Variants in GPR158 observed in about 807,000 individuals in gnomAD.
GPR158 encodes G protein-coupled receptor 158, also known as metabotropic glycine receptor.
GPR158 carries 30 observed loss-of-function variants against 78.2 expected under a neutral mutation model. The ratio of observed to expected loss-of-function variants is 0.38; its 90% confidence interval spans 0.29 to 0.52. The LOEUF (loss-of-function observed/expected upper bound fraction) is 0.52. Among genes scored for constraint, GPR158 ranks in the 20% least tolerant of loss-of-function variants. The pLI is 0.83. For synonymous variants in GPR158, 581 were observed against 591.1 expected (o/e 0.98, Z 0.25); for missense variants, 1,463 against 1,523.5 (o/e 0.96, Z 0.66).
chr10:25,361,435 A>G (rs1398332422), intron 2 of GPR158, among the ~76,000 whole-genome samples: 1 of 151,870 alleles, frequency 6.6e-6, no homozygotes, highest in Non-Finnish European at 1.5e-5. Flanking sequence ...GCTTTCAATT[A>G]TTTTGGATAC....
At chr10:25,306,482 T>C (rs966853535) in intron 2 of GPR158, among the ~76,000 whole-genome samples, 1 of 152,128 alleles carries the variant, frequency 6.6e-6, no homozygotes, top group African/African-American at 2.4e-5. Context: ...CAAGTGTTAA[T>C]AGAATAACAC....
intron 1 of GPR158, among the ~76,000 whole-genome samples, chr10:25,205,896 A>C (rs897569946): frequency 6.6e-6 from 1 of 151,816 alleles, no homozygotes; most frequent in Non-Finnish European, 1.5e-5. Flanking sequence ...ATATGAGAAG[A>C]ATATATATTC....
chr10:25,534,166 A>T (rs528773519), intron 5 of GPR158, among the ~76,000 whole-genome samples: 3 of 152,044 alleles, frequency 2.0e-5, no homozygotes, highest in Non-Finnish European at 4.4e-5. Context: ...CTCTATAATT[A>T]TGTTGATATC....
chr10:25,386,119 G>A (rs1031108519), intron 2 of GPR158, among the ~76,000 whole-genome samples: 3 of 152,086 alleles, frequency 2.0e-5, no homozygotes, highest in African/African-American at 7.2e-5. Context: ...AAATCATATT[G>A]ATTAAGTTTT....
intron 2 of GPR158, among the ~76,000 whole-genome samples, chr10:25,313,802 G>T (rs1018528997): frequency 2.0e-5 from 3 of 151,904 alleles, no homozygotes; most frequent in Non-Finnish European, 2.9e-5. Flanking sequence ...TTCTTTTCTT[G>T]TGCTCTCTTT....
intron 6 of GPR158, among the ~76,000 whole-genome samples, chr10:25,552,051 G>T (rs1836732722): frequency 6.6e-6 from 1 of 152,070 alleles, no homozygotes; most frequent in African/African-American, 2.4e-5. Context: ...TGCTGAGAAT[G>T]CTCTAGATTA....
At chr10:25,475,896 T>C (rs1455471859) in intron 5 of GPR158, 1 of 152,168 alleles carries the variant, frequency 6.6e-6, no homozygotes, top group Non-Finnish European at 1.5e-5. Flanking sequence ...AGTTATGCAA[T>C]GAGCCTTTTC....
chr10:25,281,777 T>C (rs1445110423), intron 2 of GPR158, among the ~76,000 whole-genome samples: 1 of 151,914 alleles, frequency 6.6e-6, no homozygotes, highest in East Asian at 1.9e-4. Context: ...AAGAGCAGAA[T>C]TAGTGAAATA....
At chr10:25,356,728 C>A (rs1471776551) in intron 2 of GPR158, among the ~76,000 whole-genome samples, 1 of 152,076 alleles carries the variant, frequency 6.6e-6, no homozygotes, top group Non-Finnish European at 1.5e-5. Context: ...GTCCAATAAA[C>A]CTCTTTCTTT....
At chr10:25,311,718 G>A (rs898068853) in intron 2 of GPR158, among the ~76,000 whole-genome samples, 3 of 151,832 alleles carry the variant, frequency 2.0e-5, no homozygotes, top group East Asian at 3.9e-4. Context: ...TTTTGATTAT[G>A]TGAGGTATAC....
At chr10:25,186,633 T>A (rs940311248) in intron 1 of GPR158, among the ~76,000 whole-genome samples, 2 of 152,122 alleles carry the variant, frequency 1.3e-5, no homozygotes, top group African/African-American at 4.8e-5. Flanking sequence ...AAGAAATGGA[T>A]AAATTCCTGC....
intron 5 of GPR158, among the ~76,000 whole-genome samples, chr10:25,478,866 G>A (rs1835625568): frequency 7.1e-6 from 1 of 139,918 alleles, no homozygotes; most frequent in African/African-American, 2.7e-5. Flanking sequence ...TCATTGTCCA[G>A]TTCCCACCTA....
At chr10:25,466,589 G>A in intron 4 of GPR158, 62 bp from the exon 5 acceptor site, 1 of 1,029,444 alleles carries the variant, frequency 9.7e-7, no homozygotes, top group Non-Finnish European at 1.5e-6. Context: ...TTTCACAATA[G>A]CGTGAATTCT....
chr10:25,473,687 G>C (rs114921220), intron 5 of GPR158, among the ~76,000 whole-genome samples: 11,865 of 152,160 alleles, frequency 0.078, 1,064 homozygotes, highest in African/African-American at 0.22. Context: ...TCTCAGTAGA[G>C]TGTATGTGTC....
At chr10:25,226,034 G>A (rs1365869266) in intron 2 of GPR158, among the ~76,000 whole-genome samples, 2 of 152,086 alleles carry the variant, frequency 1.3e-5, no homozygotes, top group Non-Finnish European at 2.9e-5. Flanking sequence ...TTCATTTACT[G>A]AATCACTTAG....
At chr10:25,279,383 CAG>C (rs1854235101) in intron 2 of GPR158, among the ~76,000 whole-genome samples, 1 of 151,930 alleles carries the variant, frequency 6.6e-6, no homozygotes. Flanking sequence ...ATTAAGGAAC[CAG>C]AGAGACCGAG....
chr10:25,582,043 C>A (rs1163068945), intron 7 of GPR158, among the ~76,000 whole-genome samples: 1 of 152,116 alleles, frequency 6.6e-6, no homozygotes, highest in African/African-American at 2.4e-5. Flanking sequence ...ACCATCAGAT[C>A]TCCTGAGACT....
intron 2 of GPR158, among the ~76,000 whole-genome samples, chr10:25,347,067 G>C (rs551199004): frequency 1.3e-5 from 2 of 152,028 alleles, no homozygotes; most frequent in East Asian, 3.9e-4. Flanking sequence ...AAAGTACCAA[G>C]CATAGTGCCT....
At chr10:25,349,625 T>C (rs1407461236) in intron 2 of GPR158, among the ~76,000 whole-genome samples, 1 of 146,852 alleles carries the variant, frequency 6.8e-6, no homozygotes, top group Non-Finnish European at 1.5e-5. Flanking sequence ...CTTCACCTTC[T>C]TCCATGATTG....
Sources: allele counts gnomAD v4.1 joint callset (sites outside exome capture counted in the v4.1 genomes callset), GRCh38; gene constraint gnomAD v4.1.1; transcripts MANE v1.5; gene names NCBI Gene and HGNC (gene_info 2026-07-23, HGNC 2026-07-21).